Variants in LINGO2 observed in about 807,000 individuals in gnomAD.
LINGO2 encodes leucine-rich repeat and immunoglobulin-like domain-containing nogo receptor-interacting protein 2.
In LINGO2, 14 loss-of-function variants were observed where a neutral mutation model predicts 30.6. The ratio of observed to expected loss-of-function variants is 0.46; its 90% CI spans 0.30 to 0.72. The LOEUF (loss-of-function observed/expected upper bound fraction) is 0.72. Among genes scored for constraint, LINGO2 ranks in the 30% least tolerant of loss-of-function variants. The probability of loss-of-function intolerance (pLI) is 0.07; values close to 1 mark genes in which losing one functional copy is unlikely to be tolerated. For missense variants in LINGO2, 729 were observed against 751.7 expected (o/e 0.97, Z 0.35); for synonymous variants, 317 against 288.5 (o/e 1.10, Z -1.00).
the LINGO2 span, among the ~76,000 whole-genome samples, chr9:28,877,849 G>T: frequency 6.6e-5 from 10 of 152,062 alleles, no homozygotes; most frequent in Non-Finnish European, 1.3e-4. Context: ...GGGCAGTATG[G>T]CCATTTTCAC....
intron 1 of LINGO2, among the ~76,000 whole-genome samples, chr9:28,602,910 G>A (rs572363714): frequency 1.4e-4 from 22 of 152,160 alleles, no homozygotes; most frequent in African/African-American, 5.3e-4. Context: ...ATATGGCAAA[G>A]TATGATCTAG....
chr9:29,194,044 A>G, the LINGO2 span, among the ~76,000 whole-genome samples: 1 of 152,274 alleles, frequency 6.6e-6, no homozygotes, highest in South Asian at 2.1e-4. Context: ...CCTCCACCAC[A>G]GTAATCTGGG....
the LINGO2 span, among the ~76,000 whole-genome samples, chr9:28,760,165 A>C: frequency 1.3e-5 from 2 of 152,152 alleles, no homozygotes; most frequent in Non-Finnish European, 2.9e-5. Flanking sequence ...AGATGAAATC[A>C]AATCAGAGTA....
the LINGO2 span, among the ~76,000 whole-genome samples, chr9:29,208,300 T>C: frequency 6.6e-6 from 1 of 152,042 alleles, no homozygotes; most frequent in Non-Finnish European, 1.5e-5. Flanking sequence ...TATTATTAAA[T>C]GATATTTTAA....
At chr9:27,983,505 A>T (rs183622663) in intron 5 of LINGO2, among the ~76,000 whole-genome samples, 11 of 152,032 alleles carry the variant, frequency 7.2e-5, no homozygotes, top group African/African-American at 2.6e-4. Context: ...GTTGGTAGGT[A>T]CCAGAGATGC....
the LINGO2 span, among the ~76,000 whole-genome samples, chr9:29,084,631 A>G: frequency 6.9e-3 from 1,057 of 152,088 alleles, 10 homozygotes; most frequent in Non-Finnish European, 9.6e-3. Flanking sequence ...TGATCTCCAC[A>G]TAAACTCCTT....
chr9:28,387,138 A>G (rs2183827), intron 2 of LINGO2, among the ~76,000 whole-genome samples: 108,621 of 151,644 alleles, frequency 0.72, 39,148 homozygotes, highest in Middle Eastern at 0.81. Context: ...ACCAATCAGC[A>G]CTCTGTGTCT....
chr9:28,389,693 G>A (rs964009268), intron 2 of LINGO2, among the ~76,000 whole-genome samples: 1 of 152,076 alleles, frequency 6.6e-6, no homozygotes, highest in Non-Finnish European at 1.5e-5. Context: ...CTTCCCACAC[G>A]AAACAAACAA....
chr9:29,073,480 A>G, the LINGO2 span, among the ~76,000 whole-genome samples: 1 of 152,206 alleles, frequency 6.6e-6, no homozygotes, highest in African/African-American at 2.4e-5. Flanking sequence ...TGAGCTAAAA[A>G]TGTTTATAAA....
intron 3 of LINGO2, among the ~76,000 whole-genome samples, chr9:28,372,312 C>G (rs796529964): frequency 6.6e-6 from 1 of 152,168 alleles, no homozygotes; most frequent in South Asian, 2.1e-4. Flanking sequence ...TTTCTCTCTG[C>G]TACTTTCATA....
At chr9:28,717,340 T>C in the LINGO2 span, among the ~76,000 whole-genome samples, 3 of 107,012 alleles carry the variant, frequency 2.8e-5, no homozygotes, top group African/African-American at 3.8e-5. Flanking sequence ...GAGACCCTAA[T>C]CTAAAAAAAA....
At chr9:29,007,490 C>G in the LINGO2 span, among the ~76,000 whole-genome samples, 1 of 151,990 alleles carries the variant, frequency 6.6e-6, no homozygotes, top group African/African-American at 2.4e-5. Flanking sequence ...GTGCACCTAC[C>G]CATATTTCTC....
the LINGO2 span, among the ~76,000 whole-genome samples, chr9:28,767,742 C>T: frequency 1.4e-5 from 2 of 146,624 alleles, no homozygotes; most frequent in African/African-American, 2.5e-5. Context: ...GCCGAGATCG[C>T]GCCACTGCAC....
At chr9:27,984,681 T>C (rs778145365) in intron 5 of LINGO2, among the ~76,000 whole-genome samples, 1 of 151,832 alleles carries the variant, frequency 6.6e-6, no homozygotes, top group Non-Finnish European at 1.5e-5. Context: ...GTAGGGGTCA[T>C]AGCTGGCTCT....
downstream of LINGO2, among the ~76,000 whole-genome samples, chr9:27,947,818 T>G (rs768155359): frequency 8.5e-5 from 13 of 152,362 alleles, no homozygotes; most frequent in South Asian, 4.1e-4. Context: ...AACATCTGAA[T>G]TCTTGATCTT....
the LINGO2 span, among the ~76,000 whole-genome samples, chr9:29,136,671 A>G: frequency 6.6e-6 from 1 of 152,082 alleles, no homozygotes; most frequent in African/African-American, 2.4e-5. Context: ...CTTATTAAAT[A>G]TTGCTGTTTC....
At chr9:28,407,914 A>G (rs1364376081) in intron 2 of LINGO2, among the ~76,000 whole-genome samples, 1 of 152,140 alleles carries the variant, frequency 6.6e-6, no homozygotes, top group Non-Finnish European at 1.5e-5. Flanking sequence ...AAAAACTTGT[A>G]AAACAATGTG....
intron 5 of LINGO2, among the ~76,000 whole-genome samples, chr9:27,992,068 G>T (rs1203494646): frequency 1.3e-5 from 2 of 151,948 alleles, no homozygotes; most frequent in African/African-American, 4.8e-5. Flanking sequence ...CAACTTTTCT[G>T]CTTCTGTCAG....
Position 28,230,293 on chromosome 9 carries a change from A to C in LINGO2, c.-87+64915T>G, listed in dbSNP as rs539141664. Among the ~76,000 whole-genome samples the C allele has an allele frequency of 7.2e-5, 11 of 152,028 alleles. No individual in the cohort carries two copies. The East Asian group carries it at 2.1e-3, about 29-fold the overall frequency. Reference sequence around the variant, plus strand: ...AAAAATAAAAATACAGGTAAACTCCACTAAGTAAGCTACTCAGAAAGTAAC... The same window carrying C: ...AAAAATAAAAATACAGGTAAACTCCCCTAAGTAAGCTACTCAGAAAGTAAC... On this transcript the variant is annotated intron_variant, in intron 4 of 5. Transcript: ENST00000379992.
Sources: gnomAD v4.1 joint callset for allele counts (sites outside exome capture counted in the v4.1 genomes callset) on GRCh38, gnomAD v4.1.1 for gene constraint, MANE v1.5 for transcripts, NCBI Gene and HGNC (gene_info 2026-07-23, HGNC 2026-07-21) for gene names.